The following PLCG2 variants were observed in gnomAD, a reference collection of about 807,000 sequenced individuals.
PLCG2 encodes the protein phospholipase C gamma 2.
A neutral mutation model predicts 175.6 loss-of-function variants in PLCG2; 69 were observed. That is an observed-to-expected ratio of 0.39 (90% CI 0.32 to 0.48). The LOEUF is 0.48. Among genes scored for constraint, PLCG2 ranks in the 20% least tolerant of loss-of-function variants. The pLI, the probability that PLCG2 is intolerant of heterozygous loss-of-function variation, is 0.91. For synonymous variants in PLCG2, 827 were observed against 624.0 expected, an observed-to-expected ratio of 1.33 and a Z score of -4.85; for missense variants, 1,798 against 1,650.9, an observed-to-expected ratio of 1.09 and a Z score of -1.54.
chr16:81,739,502 G>A (rs1263648338), intron 1 of PLCG2: 1 of 152,218 alleles, frequency 6.6e-6, no homozygotes. Flanking sequence ...AGAGGGCACT[G>A]AAGACAGGCT....
chr16:81,876,067 C>G (rs563359542), intron 7 of PLCG2, among the ~76,000 whole-genome samples: 34 of 141,304 alleles, frequency 2.4e-4, no homozygotes, highest in African/African-American at 8.7e-4. Flanking sequence ...ACTTTGTCAC[C>G]GAGGCTGGGG....
At chr16:81,915,596 C>T (rs1413315931) in intron 19 of PLCG2, among the ~76,000 whole-genome samples, 3 of 152,224 alleles carry the variant, frequency 2.0e-5, no homozygotes, top group East Asian at 3.8e-4. Flanking sequence ...CATTCACTTA[C>T]TGAGTCCTGC....
intron 31 of PLCG2, among the ~76,000 whole-genome samples, chr16:81,952,760 A>T (rs1911417574): frequency 6.6e-6 from 1 of 152,370 alleles, no homozygotes; most frequent in East Asian, 1.9e-4. Flanking sequence ...GGGAACTAGA[A>T]AATCACTATT....
chr16:81,877,305 A>T (rs1173789913), intron 7 of PLCG2, among the ~76,000 whole-genome samples: 4 of 152,126 alleles, frequency 2.6e-5, no homozygotes, highest in Non-Finnish European at 5.9e-5. Flanking sequence ...ATACAAAAAA[A>T]ATTAGCTGGG....
rs115392891 is a variant in PLCG2, at chr16:81,745,757, G to C, written c.-145+6372G>C. Among the ~76,000 whole-genome samples, 644 of 152,342 alleles carry C rather than the reference G, an allele frequency of 4.2e-3. 4 individuals are homozygous for C. Among genetic ancestry groups the C allele is most frequent in the African/African-American group, 0.014 (577 of 41,580 alleles). On this transcript the variant is annotated intron_variant, in intron 1 of 5. Coordinates refer to the PLCG2 transcript ENST00000565054. The stretch of plus-strand genomic sequence containing the variant: ...TGACCTTGGCTGACATTAGGGTCAG[G>C]GGGGAGCTTGGCCCAGGCTGATTCA...
rs746939658 is a variant in PLCG2, at chr16:81,934,414, G to A, written c.2740-15G>A. 2 of 1,559,024 alleles carry A rather than the reference G, an allele frequency of 1.3e-6. No homozygotes were observed. The highest frequency in any genetic ancestry group is 2.2e-5 in the East Asian group (1 of 44,594). Reference sequence around the variant, plus strand: ...TTCTCGGGGGCGGGCACTAAAGACAGTGAACTCCAAACAGGAGAACAACAT... The same window carrying A: ...TTCTCGGGGGCGGGCACTAAAGACAATGAACTCCAAACAGGAGAACAACAT... On this transcript the variant is annotated splice_polypyrimidine_tract_variant and intron_variant, in intron 25 of 32. Coordinates refer to ENST00000564138, the MANE Select transcript of PLCG2 (RefSeq NM_002661.5).
intron 22 of PLCG2, among the ~76,000 whole-genome samples, chr16:81,925,907 C>T (rs1375287258): frequency 7.1e-6 from 1 of 140,920 alleles, no homozygotes; most frequent in East Asian, 2.1e-4. Flanking sequence ...AAAAAAAATC[C>T]AGAAGGATAT....
intron 2 of PLCG2, among the ~76,000 whole-genome samples, chr16:81,804,092 A>G (rs1354928884): frequency 1.3e-5 from 2 of 152,206 alleles, no homozygotes; most frequent in Non-Finnish European, 2.9e-5. Context: ...ATTCTAGGTT[A>G]TCTGTAACTG....
intron 11 of PLCG2, among the ~76,000 whole-genome samples, chr16:81,892,988 G>C (rs1908708692): frequency 6.6e-6 from 1 of 151,794 alleles, no homozygotes; most frequent in African/African-American, 2.4e-5. Flanking sequence ...GGGACTCCGG[G>C]CACGAGCCAC....
At position 81,854,510 on chromosome 16, in the gene PLCG2, C is replaced by G. The variant is rs1373471899; in HGVS notation, c.260C>G (p.Ala87Gly). Residue 87 changes from alanine to glycine, a missense_variant, in exon 3 of 33, where the codon GCA (alanine) becomes GGA (glycine). Transcript: ENST00000564138. ...KNSKDFERAK[A>G]VRQKEDCCFT... is the part of the protein sequence containing the mutation. The stretch of plus-strand genomic sequence containing the variant: ...TCCAAAGATTTCGAGCGAGCAAAAG[C>G]AGTTCGCCAGAAAGAAGACTGCTGC... The G allele has an allele frequency of 1.2e-6, 2 of 1,613,744 alleles. No homozygotes were observed. The highest frequency in any genetic ancestry group is 4.5e-5 in the East Asian group (2 of 44,878).
intron 28 of PLCG2, 118 bp downstream of exon 28, chr16:81,938,021 G>C (rs896999037): frequency 1.2e-6 from 1 of 858,878 alleles, no homozygotes; most frequent in South Asian, 1.7e-5. Flanking sequence ...TTGTTTAAAC[G>C]ATCCCCATTC....
At chr16:81,866,952 C>A (rs1907269720) in intron 5 of PLCG2, among the ~76,000 whole-genome samples, 1 of 152,262 alleles carries the variant, frequency 6.6e-6, no homozygotes. Flanking sequence ...AGCCTGCTGG[C>A]CGCTGTGCCC....
At chr16:81,810,721 T>C (rs1904310725) in intron 2 of PLCG2, among the ~76,000 whole-genome samples, 1 of 152,160 alleles carries the variant, frequency 6.6e-6, no homozygotes. Context: ...TAATTCATTC[T>C]TCCTGTTATT....
intron 2 of PLCG2, among the ~76,000 whole-genome samples, chr16:81,810,530 A>G (rs557560402): frequency 3.3e-5 from 5 of 152,212 alleles, no homozygotes; most frequent in South Asian, 2.1e-4. Context: ...CCATTCACAC[A>G]TGCCCTGCTG....
intron 29 of PLCG2, 65 bp from the exon 30 acceptor site, chr16:81,939,827 G>T: frequency 9.3e-7 from 1 of 1,070,678 alleles, no homozygotes; most frequent in Non-Finnish European, 1.4e-6. Flanking sequence ...GAAGGATGCG[G>T]AGATTGTCTT....
At chr16:81,900,947 C>T (rs1023414266) in intron 14 of PLCG2, among the ~76,000 whole-genome samples, 167 bp downstream of exon 14, 1 of 152,224 alleles carries the variant, frequency 6.6e-6, no homozygotes, top group Non-Finnish European at 1.5e-5. Flanking sequence ...TAGGCAAAGT[C>T]ATTAACCTTT....
upstream of PLCG2, among the ~76,000 whole-genome samples, chr16:81,778,243 C>G (rs11643670): frequency 0.56 from 84,571 of 150,986 alleles, 24,046 homozygotes; most frequent in South Asian, 0.75. Flanking sequence ...TGTGGTGTGC[C>G]TCTATAGTCC....
At chr16:81,947,728 C>T (rs958546579) in intron 31 of PLCG2, among the ~76,000 whole-genome samples, 1 of 152,154 alleles carries the variant, frequency 6.6e-6, no homozygotes, top group Non-Finnish European at 1.5e-5. Context: ...ATTACTTTAT[C>T]AAGTCGCAGT....
At chr16:81,821,707 G>A (rs1304529682) in intron 2 of PLCG2, among the ~76,000 whole-genome samples, 1 of 152,188 alleles carries the variant, frequency 6.6e-6, no homozygotes, top group East Asian at 1.9e-4. Context: ...GAACAGATCA[G>A]TGGAGCGCAG....
Sources: allele counts gnomAD v4.1 joint callset (sites outside exome capture counted in the v4.1 genomes callset), GRCh38; gene constraint gnomAD v4.1.1; transcripts MANE v1.5; gene names NCBI Gene and HGNC (gene_info 2026-07-23, HGNC 2026-07-21).